Variants in LPP observed in about 807,000 individuals in gnomAD.
LPP encodes the protein lipoma-preferred partner.
Under a neutral mutation model 60.4 loss-of-function variants are expected in LPP, and 38 were observed. That is an observed-to-expected ratio of 0.63 (90% CI 0.49 to 0.83). The LOEUF (loss-of-function observed/expected upper bound fraction) is 0.83, where lower values mean the gene tolerates loss of function less well. Ranked by LOEUF, LPP falls within the 40% of genes least tolerant of loss-of-function variation. LPP has a pLI of 0.00. For synonymous variants in LPP, 328 were observed against 290.8 expected (o/e 1.13, Z -1.30); for missense variants, 902 against 783.6 (o/e 1.15, Z -1.80).
intron 1 of LPP, among the ~76,000 whole-genome samples, chr3:188,201,631 C>G (rs1035785379): frequency 6.6e-6 from 1 of 152,100 alleles, no homozygotes. Context: ...GGCCTGAACC[C>G]AAGAAGTGGA....
At chr3:188,383,771 A>G (rs1331542178) in intron 3 of LPP, among the ~76,000 whole-genome samples, 4 of 152,174 alleles carry the variant, frequency 2.6e-5, no homozygotes, top group East Asian at 3.8e-4. Context: ...TTAAATGTCA[A>G]TGTTGCTACA....
At chr3:188,320,516 T>TCCAA (rs1163896192) in intron 2 of LPP, among the ~76,000 whole-genome samples, 2 of 152,144 alleles carry the variant, frequency 1.3e-5, no homozygotes, top group East Asian at 3.9e-4. Context: ...AGGAGAACAC[T>TCCAA]TGGGAAAGCA....
intron 4 of LPP, among the ~76,000 whole-genome samples, chr3:188,466,084 C>A (rs534391898): frequency 6.6e-6 from 1 of 152,256 alleles, no homozygotes; most frequent in East Asian, 1.9e-4. Flanking sequence ...CTCCTTTAGA[C>A]TGCCTGGTGA....
At chr3:188,642,013 C>A (rs1193514774) in intron 7 of LPP, among the ~76,000 whole-genome samples, 1 of 152,176 alleles carries the variant, frequency 6.6e-6, no homozygotes, top group Non-Finnish European at 1.5e-5. Context: ...CGCATCCTTG[C>A]TTTTATAGCA....
At chr3:188,431,078 T>C (rs1438191006) in intron 4 of LPP, among the ~76,000 whole-genome samples, 1 of 152,176 alleles carries the variant, frequency 6.6e-6, no homozygotes, top group Non-Finnish European at 1.5e-5. Flanking sequence ...GTTTTCTCTA[T>C]ATTGAATATG....
At chr3:188,466,198 G>A (rs1800330088) in intron 4 of LPP, among the ~76,000 whole-genome samples, 1 of 152,148 alleles carries the variant, frequency 6.6e-6, no homozygotes, top group African/African-American at 2.4e-5. Flanking sequence ...ACGGCAGTGA[G>A]ATGGGAGAGT....
intron 5 of LPP, among the ~76,000 whole-genome samples, chr3:188,522,538 T>C (rs2150155095): frequency 2.0e-5 from 3 of 152,216 alleles, no homozygotes; most frequent in Middle Eastern, 6.8e-3. Context: ...TGAACACTTA[T>C]TTGGGCTAGG....
intron 8 of LPP, chr3:188,758,664 A>G (rs972853322): frequency 3.3e-5 from 5 of 152,184 alleles, no homozygotes; most frequent in Non-Finnish European, 2.9e-5. Context: ...ATGGCTGTCA[A>G]TCCAATGTGA....
chr3:188,614,642 A>C (rs1373721968), intron 7 of LPP, among the ~76,000 whole-genome samples: 1 of 152,174 alleles, frequency 6.6e-6, no homozygotes, highest in East Asian at 1.9e-4. Flanking sequence ...TTAACGTCAT[A>C]TGTCAAATTC....
chr3:188,284,813 C>T (rs753245418), intron 2 of LPP, among the ~76,000 whole-genome samples: 1 of 151,884 alleles, frequency 6.6e-6, no homozygotes, highest in Non-Finnish European at 1.5e-5. Context: ...GGCCCCATTT[C>T]CTGCCCTCTC....
chr3:188,353,678 T>C (rs192511259), intron 3 of LPP, among the ~76,000 whole-genome samples: 27 of 152,342 alleles, frequency 1.8e-4, no homozygotes, highest in Admixed American at 1.4e-3. Context: ...AGTCTTTTTA[T>C]GTTGTAATCT....
At position 188,706,624 on chromosome 3, in the gene LPP, G is replaced by T. The variant is rs1865526661; in HGVS notation, c.1114-1643G>T. Among the ~76,000 whole-genome samples the T allele has an allele frequency of 2.6e-5, 4 of 152,162 alleles. No homozygotes were observed. In the South Asian group the frequency reaches 8.3e-4, roughly 32 times the overall value. On this transcript the variant is annotated intron_variant, in intron 7 of 11. Transcript: ENST00000617246. ...ACACAAATGATTAATACCCATCTTGGAGTTGTAGTAAATGTTGGGAATGAT... is the reference window on the plus strand; with the variant it reads ...ACACAAATGATTAATACCCATCTTGTAGTTGTAGTAAATGTTGGGAATGAT...
intron 6 of LPP, among the ~76,000 whole-genome samples, chr3:188,607,389 AT>A (rs1560628392): frequency 0.031 from 918 of 29,568 alleles, 57 homozygotes; most frequent in African/African-American, 0.11. Context: ...ATATATATAT[AT>A]ATATATATAT....
intron 1 of LPP, among the ~76,000 whole-genome samples, chr3:188,190,128 T>G (rs909897235): frequency 6.6e-6 from 1 of 150,786 alleles, no homozygotes; most frequent in Non-Finnish European, 1.5e-5. Context: ...TGATCTTGAC[T>G]CACTGTAACC....
chr3:188,715,316 T>A (rs1357088211), intron 8 of LPP, among the ~76,000 whole-genome samples: 1 of 129,716 alleles, frequency 7.7e-6, no homozygotes, highest in Non-Finnish European at 1.5e-5. Context: ...AGGCGGAGGT[T>A]ACAGTGAGCC....
At chr3:188,260,202 C>A (rs1375811988) in intron 2 of LPP, among the ~76,000 whole-genome samples, 2 of 152,000 alleles carry the variant, frequency 1.3e-5, no homozygotes, top group African/African-American at 2.4e-5. Flanking sequence ...ACCACCAAGT[C>A]CGGCTAATTT....
chr3:188,301,866 A>G (rs1367579505), intron 2 of LPP, among the ~76,000 whole-genome samples: 1 of 151,640 alleles, frequency 6.6e-6, no homozygotes, highest in East Asian at 1.9e-4. Flanking sequence ...CATGTTGCCC[A>G]GGCTGGTGTT....
chr3:188,466,550 C>G (rs904297959), intron 4 of LPP, among the ~76,000 whole-genome samples: 1 of 151,768 alleles, frequency 6.6e-6, no homozygotes, highest in Non-Finnish European at 1.5e-5. Context: ...AGTTATTTGT[C>G]AATCTCACAT....
intron 9 of LPP, among the ~76,000 whole-genome samples, chr3:188,810,198 T>C (rs932659383): frequency 6.7e-6 from 1 of 148,800 alleles, no homozygotes; most frequent in Non-Finnish European, 1.5e-5. Flanking sequence ...ATAACTGTAG[T>C]TTTTTTTTTC....
Sources: gnomAD v4.1 joint callset for allele counts (sites outside exome capture counted in the v4.1 genomes callset) on GRCh38, gnomAD v4.1.1 for gene constraint, MANE v1.5 for transcripts, NCBI Gene and HGNC (gene_info 2026-07-23, HGNC 2026-07-21) for gene names.